IMPG2: variants seen among roughly 807,000 people sequenced by gnomAD.
IMPG2 encodes the protein IPM 200.
In IMPG2, 91 loss-of-function variants were observed where a neutral mutation model predicts 129.2. The observed-to-expected ratio is 0.70, with a 90% CI of 0.59 to 0.84. The LOEUF (loss-of-function observed/expected upper bound fraction) is 0.84. IMPG2 is among the 40% of genes least tolerant of loss of function. IMPG2 has a pLI of 0.00. For missense variants in IMPG2, 1,430 were observed against 1,461.7 expected (o/e 0.98, Z 0.35); for synonymous variants, 510 against 517.7 (o/e 0.99, Z 0.20).
chr3:101,226,819 G>GAA lies in IMPG2; in HGVS notation c.*148_*149dup. On this transcript the variant is annotated 3_prime_UTR_variant, in exon 19 of 19. Transcript: ENST00000193391. ...TTACTACATTCTGAAAACTTAAGCT[G>GAA]AAAAAAAAACAGTGTGCCCTATATT... 5 of 719,820 alleles carry GAA rather than the reference G, an allele frequency of 6.9e-6. No homozygotes were observed. The highest frequency in any genetic ancestry group is 1.9e-5 in the South Asian group (1 of 53,356). The allele number at this position is 719,820 out of a possible 1,614,324, so 44.6% of individuals were successfully genotyped here.
Position 101,269,630 on chromosome 3 carries a change from A to G in IMPG2, c.829-57T>C. On this transcript the variant is annotated intron_variant, in intron 7 of 18. Transcript: ENST00000193391. ...TGTAAAAATATGGAAAAATATATAG[A>G]AAATAATGCTTTTAAGAGTAGAATA... 2.0e-6 allele frequency: 2 copies of G among 1,002,752 alleles called. 1 individual carries two copies. Among genetic ancestry groups the G allele is most frequent in the South Asian group, 2.6e-5 (2 of 75,532 alleles). 62.1% of individuals were successfully genotyped at this position (1,002,752 alleles called of 1,614,324 possible).
At chr3:101,312,313 T>C (rs1006779307) in intron 2 of IMPG2, among the ~76,000 whole-genome samples, 35 of 151,942 alleles carry the variant, frequency 2.3e-4, no homozygotes, top group African/African-American at 7.7e-4. Flanking sequence ...ATAAATAAAT[T>C]ACAGCTCAAT....
chr3:101,282,755 C>T (rs923472871), intron 4 of IMPG2, among the ~76,000 whole-genome samples: 2 of 152,216 alleles, frequency 1.3e-5, no homozygotes, highest in African/African-American at 4.8e-5. Flanking sequence ...TCATGCCCAA[C>T]ACTTCAGACA....
chr3:101,267,647 T>C (rs1706734442), intron 8 of IMPG2, 116 bp from the exon 9 acceptor site: 4 of 884,356 alleles, frequency 4.5e-6, no homozygotes, highest in Non-Finnish European at 7.3e-6. Context: ...AAATGCTTCC[T>C]TAAATAAAAA....
At chr3:101,293,405 T>G (rs1461982158) in intron 3 of IMPG2, among the ~76,000 whole-genome samples, 1 of 152,174 alleles carries the variant, frequency 6.6e-6, no homozygotes, top group Non-Finnish European at 1.5e-5. Context: ...AAAAATTTTC[T>G]GAGCAGTAGG....
chr3:101,258,304 G>A (rs1326190188), intron 9 of IMPG2, among the ~76,000 whole-genome samples: 1 of 152,020 alleles, frequency 6.6e-6, no homozygotes, highest in African/African-American at 2.4e-5. Context: ...TGTTGTGCTG[G>A]AGTATTTTCT....
Position 101,244,228 on chromosome 3 carries a change from G to C in IMPG2, c.2103C>G (p.Thr701=), listed in dbSNP as rs987130813. ...ADTAAESASL[T]LPKHISEVPG... Reference sequence around the variant, plus strand: ...GTACTTCTGATATGTGCTTGGGGAGGGTTAGAGACGCAGATTCAGCTGCAG... The same window carrying C: ...GTACTTCTGATATGTGCTTGGGGAGCGTTAGAGACGCAGATTCAGCTGCAG... Residue 701 remains threonine (T), a synonymous_variant, in exon 13 of 19, where the codon ACC becomes ACG. Transcript: ENST00000193391. 2.5e-6 allele frequency: 4 copies of C among 1,613,844 alleles called. No homozygotes were observed. Among genetic ancestry groups the C allele is most frequent in the Non-Finnish European group, 3.4e-6 (4 of 1,179,992 alleles).
chr3:101,285,832 T>G (rs944357890), intron 4 of IMPG2, among the ~76,000 whole-genome samples: 1 of 152,206 alleles, frequency 6.6e-6, no homozygotes, highest in Non-Finnish European at 1.5e-5. Flanking sequence ...TGCCATTTTG[T>G]AACATGGATA....
At chr3:101,247,625 GAATA>G (rs1706497038) in intron 11 of IMPG2, among the ~76,000 whole-genome samples, 2 of 151,802 alleles carry the variant, frequency 1.3e-5, no homozygotes, top group African/African-American at 4.8e-5. Flanking sequence ...GTAGGTATTT[GAATA>G]ACATGGAAGC....
rs201831318 is a variant in IMPG2 at position 101,244,807 on chromosome 3, T to C, written c.1544-20A>G. On this transcript the variant is annotated intron_variant, in intron 12 of 18. Transcript: ENST00000193391. ...CTAATCCTAAAAATAAAGTTTTCCA[T>C]TAATTAATCTACAGAGTTGCCAAAA... 1 of 1,604,744 alleles carries C rather than the reference T, an allele frequency of 6.2e-7. No individual in the cohort carries two copies. Among genetic ancestry groups the C allele is most frequent in the Non-Finnish European group, 8.5e-7 (1 of 1,172,606 alleles).
At chr3:101,316,423 C>T (rs986036835) in intron 2 of IMPG2, among the ~76,000 whole-genome samples, 7 of 151,858 alleles carry the variant, frequency 4.6e-5, no homozygotes, top group African/African-American at 1.7e-4. Flanking sequence ...AGACAAGCAA[C>T]CCATTTTTTA....
At position 101,246,033 on chromosome 3, in the gene IMPG2, T is replaced by C. The variant is rs1411222579; in HGVS notation, c.1312A>G (p.Ser438Gly). 2.5e-6 allele frequency: 4 copies of C among 1,613,968 alleles called. No individual in the cohort carries two copies. Among genetic ancestry groups the C allele is most frequent in the Non-Finnish European group, 3.4e-6 (4 of 1,180,002 alleles). ...CCAGTGGCTGAGGGAGGACCAGAGC[T>C]GAAATCAAGTGGTGGAATACTGCTG... is the stretch of plus-strand genomic sequence containing the variant. ...ITSSIPPLDF[S>G]SGPPSATGRE... is the part of the protein sequence containing the mutation. The change falls in exon 12 of 19, where the codon AGC becomes GGC. Residue 438 changes from serine (S) to glycine (G), a missense_variant. Ser to Gly is a moderately conservative substitution (Grantham distance 56). Transcript: ENST00000193391.
Position 101,243,974 on chromosome 3 carries a change from C to A in IMPG2, c.2357G>T (p.Arg786Ile), listed in dbSNP as rs1191291386. Residue 786 changes from arginine to isoleucine, a missense_variant, in exon 13 of 19, where the codon AGA becomes ATA. Transcript: ENST00000193391. The part of the protein sequence containing the change: ...ILPESERVWT[R>I]TSSLEKLSRD... ...GGACAATTTCTCTAGGGAAGAAGTTCTTGTCCAAACTCTCTCTGATTCTGG... is the reference window on the plus strand; with the variant it reads ...GGACAATTTCTCTAGGGAAGAAGTTATTGTCCAAACTCTCTCTGATTCTGG... 6.2e-7 allele frequency: 1 copy of A among 1,614,156 alleles called. No individual in the cohort carries two copies. Among genetic ancestry groups the A allele is most frequent in the Non-Finnish European group, 8.5e-7 (1 of 1,180,008 alleles).
At chr3:101,252,464 C>A (rs1022644409) in intron 11 of IMPG2, among the ~76,000 whole-genome samples, 2 of 152,036 alleles carry the variant, frequency 1.3e-5, no homozygotes, top group Non-Finnish European at 2.9e-5. Context: ...CCTGGATGGA[C>A]CTCTTGGACA....
intron 4 of IMPG2, among the ~76,000 whole-genome samples, chr3:101,284,308 A>G (rs1045041680): frequency 2.0e-5 from 3 of 152,226 alleles, no homozygotes; most frequent in Non-Finnish European, 4.4e-5. Flanking sequence ...TTCTCAGTTT[A>G]TAGATAAAAA....
intron 14 of IMPG2, among the ~76,000 whole-genome samples, chr3:101,236,482 C>T (rs1706347199): frequency 6.6e-6 from 1 of 152,088 alleles, no homozygotes; most frequent in Non-Finnish European, 1.5e-5. Context: ...GTGATTTCTG[C>T]ATTTCCAACT....
At chr3:101,297,159 C>G (rs1225019840) in intron 3 of IMPG2, among the ~76,000 whole-genome samples, 2 of 152,220 alleles carry the variant, frequency 1.3e-5, no homozygotes, top group Admixed American at 1.3e-4. Flanking sequence ...CCGCCCACCT[C>G]AGCCTCCCAA....
At chr3:101,259,343 T>G (rs1342317324) in intron 9 of IMPG2, among the ~76,000 whole-genome samples, 11 of 152,114 alleles carry the variant, frequency 7.2e-5, no homozygotes, top group Admixed American at 7.2e-4. Flanking sequence ...CAGCAAACTA[T>G]TCTCAAAACA....
At chr3:101,312,442 G>C (rs1449470202) in intron 2 of IMPG2, among the ~76,000 whole-genome samples, 2 of 151,958 alleles carry the variant, frequency 1.3e-5, no homozygotes, top group Non-Finnish European at 2.9e-5. Context: ...AATCATTAGG[G>C]AAATGTAAAT....
Sources: gnomAD v4.1 joint callset for allele counts (sites outside exome capture counted in the v4.1 genomes callset) on GRCh38, gnomAD v4.1.1 for gene constraint, MANE v1.5 for transcripts, NCBI Gene and HGNC (gene_info 2026-07-23, HGNC 2026-07-21) for gene names.